SLC16A7: variants seen among roughly 807,000 people sequenced by gnomAD.
SLC16A7 encodes the protein solute carrier family 16 member 7, also known as monocarboxylate transporter 2.
SLC16A7 carries 33 observed loss-of-function variants against 34.9 expected under a neutral mutation model. That is an observed-to-expected ratio of 0.94 (90% CI 0.72 to 1.26). The LOEUF (loss-of-function observed/expected upper bound fraction) is 1.26. Among genes scored for constraint, SLC16A7 ranks in the 50% most tolerant of loss-of-function variants. The pLI is 0.00. For missense variants in SLC16A7, 573 were observed against 578.1 expected, an observed-to-expected ratio of 0.99 and a Z score of 0.09; for synonymous variants, 201 against 206.6, an observed-to-expected ratio of 0.97 and a Z score of 0.23.
intron 2 of SLC16A7, among the ~76,000 whole-genome samples, chr12:59,685,160 G>C (rs189508214): frequency 6.6e-6 from 1 of 152,258 alleles, no homozygotes; most frequent in African/African-American, 2.4e-5. Context: ...GATTTTAGCA[G>C]CTCCTATAGC....
At position 59,788,654 on chromosome 12, in the gene SLC16A7, G is replaced by T. The variant is rs967178068; in HGVS notation, c.*8975G>T. The T allele has an allele frequency of 5.3e-5, 8 of 151,804 alleles. No homozygotes were observed. The highest frequency in any genetic ancestry group is 1.9e-4 in the African/African-American group (8 of 41,338). The allele number at this position is 151,804 out of a possible 1,614,324, so 9.4% of individuals were successfully genotyped here. ...CTTCTTTTTTTGCCTTCTTACACAT[G>T]AATGTACTTAAAGTATTGTTATGTG... On this transcript the variant is annotated 3_prime_UTR_variant, in exon 6 of 6. Coordinates refer to ENST00000547379, the MANE Select transcript of SLC16A7 (RefSeq NM_001270623.2).
At chr12:59,738,308 AG>A (rs1877842511) in intron 3 of SLC16A7, among the ~76,000 whole-genome samples, 1 of 152,206 alleles carries the variant, frequency 6.6e-6, no homozygotes, top group South Asian at 2.1e-4. Context: ...AAGATTTCCA[AG>A]ATAGAATACC....
intron 3 of SLC16A7, among the ~76,000 whole-genome samples, chr12:59,751,989 G>T (rs1404571669): frequency 6.6e-6 from 1 of 152,194 alleles, no homozygotes; most frequent in African/African-American, 2.4e-5. Context: ...TGGTACCCAG[G>T]CAAACAGGGT....
At chr12:59,733,577 C>T in intron 3 of SLC16A7, 1 of 381,586 alleles carries the variant, frequency 2.6e-6, no homozygotes. Context: ...AAGGGTGTCA[C>T]AGCCCTGGCT....
At chr12:59,778,923 GGCTAGTATGGGGCATAGAGAAA>G (rs1373295506) in intron 5 of SLC16A7, among the ~76,000 whole-genome samples, 3 of 152,010 alleles carry the variant, frequency 2.0e-5, no homozygotes, top group African/African-American at 4.8e-5. Context: ...AAAATTCTTA[GGCTAGTATGGGGCATAGAGAAA>G]GCACTTAGTA....
At chr12:59,645,227 T>C (rs1449863020) in intron 1 of SLC16A7, among the ~76,000 whole-genome samples, 1 of 152,152 alleles carries the variant, frequency 6.6e-6, no homozygotes, top group African/African-American at 2.4e-5. Context: ...AGTTTTATTA[T>C]TGGATGTAGT....
intron 2 of SLC16A7, among the ~76,000 whole-genome samples, chr12:59,674,407 T>C (rs1000630497): frequency 2.0e-5 from 3 of 152,208 alleles, no homozygotes; most frequent in African/African-American, 7.2e-5. Flanking sequence ...AAAGAGGCTT[T>C]CTTCTTCTCA....
intron 3 of SLC16A7, among the ~76,000 whole-genome samples, chr12:59,719,524 TAATA>T (rs1374848395): frequency 6.6e-6 from 1 of 152,110 alleles, no homozygotes; most frequent in Non-Finnish European, 1.5e-5. Context: ...TAACAGTTTG[TAATA>T]AATAAACTTT....
intron 2 of SLC16A7, among the ~76,000 whole-genome samples, chr12:59,701,323 T>G: frequency 6.6e-6 from 1 of 150,720 alleles, no homozygotes; most frequent in Non-Finnish European, 1.5e-5. Context: ...TGTTACAGAG[T>G]AAATGATGGA....
intron 3 of SLC16A7, chr12:59,735,825 TTA>T (rs1592604183): frequency 6.0e-6 from 2 of 332,956 alleles, no homozygotes; most frequent in East Asian, 2.6e-4. Flanking sequence ...ATTATAAATT[TTA>T]TGTTATGAAG....
At chr12:59,678,970 C>T (rs1870532304) in intron 2 of SLC16A7, among the ~76,000 whole-genome samples, 1 of 152,196 alleles carries the variant, frequency 6.6e-6, no homozygotes, top group South Asian at 2.1e-4. Context: ...ACACACCCAG[C>T]TGGGTTGCAA....
intron 2 of SLC16A7, among the ~76,000 whole-genome samples, chr12:59,702,881 G>A (rs1043707473): frequency 6.6e-6 from 1 of 151,800 alleles, no homozygotes; most frequent in African/African-American, 2.4e-5. Context: ...AGTCAGCAGT[G>A]ATTAGTGAAA....
intron 3 of SLC16A7, among the ~76,000 whole-genome samples, chr12:59,747,388 T>A (rs1382105116): frequency 6.6e-6 from 1 of 152,144 alleles, no homozygotes; most frequent in Non-Finnish European, 1.5e-5. Context: ...GTACAGAAAA[T>A]AGTATAATGT....
intron 1 of SLC16A7, among the ~76,000 whole-genome samples, chr12:59,602,997 C>G (rs1592379037): frequency 6.6e-6 from 1 of 152,212 alleles, no homozygotes; most frequent in Admixed American, 6.5e-5. Flanking sequence ...CTCTTCCTTC[C>G]TTTTTGTCTT....
intron 3 of SLC16A7, among the ~76,000 whole-genome samples, chr12:59,714,972 A>G (rs1383702669): frequency 6.6e-6 from 1 of 152,206 alleles, no homozygotes; most frequent in African/African-American, 2.4e-5. Context: ...TTAACTCCAC[A>G]GACAGATACA....
intron 1 of SLC16A7, among the ~76,000 whole-genome samples, chr12:59,639,100 C>T (rs1343006109): frequency 6.6e-6 from 1 of 152,082 alleles, no homozygotes. Context: ...TCATAACACT[C>T]TTGTAATTGT....
intron 3 of SLC16A7, among the ~76,000 whole-genome samples, chr12:59,757,828 A>G (rs1158977869): frequency 6.6e-6 from 1 of 151,966 alleles, no homozygotes; most frequent in Admixed American, 6.6e-5. Flanking sequence ...TAGTAAATAT[A>G]CTTTCTCTTC....
intron 2 of SLC16A7, among the ~76,000 whole-genome samples, chr12:59,678,029 G>T (rs945766874): frequency 1.4e-4 from 22 of 152,302 alleles, no homozygotes; most frequent in Admixed American, 8.5e-4. Context: ...CCTGCCAAGG[G>T]TGAGCCAGGT....
intron 5 of SLC16A7, among the ~76,000 whole-genome samples, chr12:59,778,479 T>G (rs1275201048): frequency 6.6e-6 from 1 of 152,166 alleles, no homozygotes; most frequent in Non-Finnish European, 1.5e-5. Context: ...TCACTTGGAA[T>G]GCATATGCTA....
Sources: gnomAD v4.1 joint callset for allele counts (sites outside exome capture counted in the v4.1 genomes callset) on GRCh38, gnomAD v4.1.1 for gene constraint, MANE v1.5 for transcripts, NCBI Gene and HGNC (gene_info 2026-07-23, HGNC 2026-07-21) for gene names.